The following ZNF423 variants were observed in gnomAD, a reference collection of about 807,000 sequenced individuals.
ZNF423 encodes zinc finger protein 423, also known as Ebf-associated zinc finger protein.
ZNF423 carries 12 observed loss-of-function variants against 95.8 expected under a neutral mutation model. The ratio of observed to expected loss-of-function variants is 0.13; its 90% CI spans 0.08 to 0.20. The LOEUF (loss-of-function observed/expected upper bound fraction) is 0.20. Ranked by LOEUF, ZNF423 falls within the 10% of genes least tolerant of loss-of-function variation. The pLI is 1.00. For missense variants in ZNF423, 1,316 were observed against 1,737.1 expected, an observed-to-expected ratio of 0.76 and a Z score of 4.31; for synonymous variants, 749 against 711.9, an observed-to-expected ratio of 1.05 and a Z score of -0.83.
intron 3 of ZNF423, among the ~76,000 whole-genome samples, chr16:49,691,562 C>T (rs1048177068): frequency 4.6e-5 from 7 of 152,054 alleles, no homozygotes; most frequent in Non-Finnish European, 1.0e-4. Flanking sequence ...GAAACCCCGT[C>T]TCTACTAAAC....
intron 3 of ZNF423, among the ~76,000 whole-genome samples, chr16:49,657,489 G>A (rs58126873): frequency 0.015 from 2,254 of 152,320 alleles, 48 homozygotes; most frequent in African/African-American, 0.051. Context: ...GAGTAAAAGA[G>A]CCTGAGGCCC....
intron 2 of ZNF423, among the ~76,000 whole-genome samples, chr16:49,789,274 G>C (rs928362442): frequency 1.3e-5 from 2 of 152,134 alleles, no homozygotes; most frequent in African/African-American, 2.4e-5. Flanking sequence ...TGTGGCCCTC[G>C]GGAGAATAAG....
intron 7 of ZNF423, among the ~76,000 whole-genome samples, chr16:49,510,886 C>T (rs1008428676): frequency 3.9e-5 from 6 of 152,226 alleles, no homozygotes; most frequent in East Asian, 1.9e-4. Flanking sequence ...AGGCTCCTGG[C>T]AGCTCCCCCG....
intron 2 of ZNF423, among the ~76,000 whole-genome samples, chr16:49,758,946 C>T (rs986615239): frequency 6.6e-6 from 1 of 152,122 alleles, no homozygotes; most frequent in Non-Finnish European, 1.5e-5. Context: ...ATAAGCCTTC[C>T]GAAGTAGCTT....
chr16:49,630,997 C>T (rs1972475188), intron 4 of ZNF423, among the ~76,000 whole-genome samples: 1 of 152,094 alleles, frequency 6.6e-6, no homozygotes, highest in Admixed American at 6.5e-5. Flanking sequence ...CAGCAACACA[C>T]AAGACCTTCA....
At chr16:49,529,070 G>A (rs1211865554) in intron 5 of ZNF423, among the ~76,000 whole-genome samples, 1 of 151,778 alleles carries the variant, frequency 6.6e-6, no homozygotes, top group Admixed American at 6.6e-5. Flanking sequence ...CCACCCCAGC[G>A]TGGGGACTGG....
chr16:49,618,020 C>A (rs374668788), intron 5 of ZNF423, among the ~76,000 whole-genome samples: 1 of 152,256 alleles, frequency 6.6e-6, no homozygotes, highest in African/African-American at 2.4e-5. Flanking sequence ...CTTCCCCAGA[C>A]AGGGCCCTGC....
chr16:49,708,488 C>T (rs748774994), intron 3 of ZNF423, among the ~76,000 whole-genome samples: 4 of 152,042 alleles, frequency 2.6e-5, no homozygotes, highest in Non-Finnish European at 4.4e-5. Context: ...TGTGGTTTCA[C>T]CATGTTGGCC....
At chr16:49,794,241 T>G (rs1183031842) in intron 1 of ZNF423, among the ~76,000 whole-genome samples, 4 of 151,462 alleles carry the variant, frequency 2.6e-5, no homozygotes, top group Non-Finnish European at 5.9e-5. Context: ...TTTTTGTTTT[T>G]TTTTTTTTGT....
chr16:49,577,716 C>G (rs1970542148), intron 5 of ZNF423, among the ~76,000 whole-genome samples: 1 of 152,178 alleles, frequency 6.6e-6, no homozygotes, highest in African/African-American at 2.4e-5. Context: ...ACCCTCCTCA[C>G]TCATGGAGAG....
intron 2 of ZNF423, among the ~76,000 whole-genome samples, chr16:49,760,699 G>C (rs2033813395): frequency 6.6e-6 from 1 of 152,034 alleles, no homozygotes; most frequent in African/African-American, 2.4e-5. Context: ...ACTGAGCAGA[G>C]AATGAGGGAG....
intron 5 of ZNF423, among the ~76,000 whole-genome samples, chr16:49,531,313 T>C (rs537567894): frequency 1.3e-4 from 19 of 151,594 alleles, no homozygotes; most frequent in Admixed American, 1.2e-3. Flanking sequence ...CCTGAGGTCC[T>C]GGGGCTCAGA....
chr16:49,512,814 G>A (rs776696465), intron 7 of ZNF423, among the ~76,000 whole-genome samples: 20 of 152,284 alleles, frequency 1.3e-4, no homozygotes, highest in Admixed American at 2.6e-4. Context: ...AATAATGGGC[G>A]GCTGGGCACG....
At chr16:49,666,875 A>G (rs2030572522) in intron 3 of ZNF423, among the ~76,000 whole-genome samples, 1 of 151,750 alleles carries the variant, frequency 6.6e-6, no homozygotes, top group African/African-American at 2.4e-5. Flanking sequence ...TGGGGCTGGG[A>G]CCCCAGAAAA....
intron 2 of ZNF423, among the ~76,000 whole-genome samples, chr16:49,777,706 C>T (rs1451876512): frequency 6.6e-6 from 1 of 152,172 alleles, no homozygotes; most frequent in Non-Finnish European, 1.5e-5. Context: ...TCAGACAAAA[C>T]CCCAACTAGC....
intron 2 of ZNF423, among the ~76,000 whole-genome samples, chr16:49,784,645 T>C (rs1405805042): frequency 6.6e-6 from 1 of 152,142 alleles, no homozygotes. Context: ...AATAGGCAAG[T>C]CTACAGAGAC....
At chr16:49,822,880 C>T (rs147610118) in intron 1 of ZNF423, 9 of 570,204 alleles carry the variant, frequency 1.6e-5, no homozygotes, top group African/African-American at 3.9e-5. Context: ...TAGTCATCTA[C>T]GCAGCCAGGA....
chr16:49,590,835 TG>T (rs1184512017), intron 5 of ZNF423, among the ~76,000 whole-genome samples: 1 of 152,110 alleles, frequency 6.6e-6, no homozygotes, highest in Non-Finnish European at 1.5e-5. Context: ...GCCGGCCCGG[TG>T]AGGGCCTTTC....
Position 49,489,073 on chromosome 16 carries a change from C to G in ZNF423, c.*2202G>C, listed in dbSNP as rs982993302. On this transcript the variant is annotated 3_prime_UTR_variant, in exon 8 of 8. Coordinates refer to ENST00000563137, the MANE Select transcript of ZNF423 (RefSeq NM_001379286.1). ...CCACATGGCGTGAAAAGCTCTTAAA[C>G]CCCCCGCTGTATTTTTAATGGGGGC... 6.6e-6 allele frequency: 1 copy of G among 152,212 alleles called. No individual in the cohort carries two copies. The highest frequency in any genetic ancestry group is 2.4e-5 in the African/African-American group (1 of 41,438). The allele number at this position is 152,212 out of a possible 1,614,324, so 9.4% of individuals were successfully genotyped here.
Sources: allele counts gnomAD v4.1 joint callset (sites outside exome capture counted in the v4.1 genomes callset), GRCh38; gene constraint gnomAD v4.1.1; transcripts MANE v1.5; gene names NCBI Gene and HGNC (gene_info 2026-07-23, HGNC 2026-07-21).